The following AGBL4 variants were observed in gnomAD, a reference collection of about 807,000 sequenced individuals.
The protein encoded by AGBL4 is AGBL carboxypeptidase 4.
A neutral mutation model predicts 66.4 loss-of-function variants in AGBL4; 58 were observed. The ratio of observed to expected loss-of-function variants is 0.87; its 90% CI spans 0.71 to 1.09. The LOEUF is 1.09. Ranked by LOEUF, AGBL4 falls within the 50% of genes least tolerant of loss-of-function variation. The pLI is 0.00. For missense variants in AGBL4, 579 were observed against 631.0 expected, an observed-to-expected ratio of 0.92 and a Z score of 0.88; for synonymous variants, 234 against 222.9, an observed-to-expected ratio of 1.05 and a Z score of -0.44.
intron 2 of AGBL4, among the ~76,000 whole-genome samples, chr1:49,831,505 T>C (rs1228692820): frequency 2.0e-5 from 3 of 152,214 alleles, no homozygotes; most frequent in African/African-American, 7.2e-5. Flanking sequence ...TAAGGAGATT[T>C]GGGGCTGACA....
intron 6 of AGBL4, among the ~76,000 whole-genome samples, chr1:48,794,812 G>A (rs1645631577): frequency 6.6e-6 from 1 of 152,128 alleles, no homozygotes; most frequent in South Asian, 2.1e-4. Context: ...CACACCTAGT[G>A]CAGACTTCTA....
intron 3 of AGBL4, among the ~76,000 whole-genome samples, chr1:49,571,166 G>C (rs976506414): frequency 1.3e-5 from 2 of 151,406 alleles, no homozygotes; most frequent in African/African-American, 4.9e-5. Flanking sequence ...TGAATCTGTA[G>C]ATTTCTTTGA....
chr1:48,545,424 G>C (rs1242054431), intron 11 of AGBL4, among the ~76,000 whole-genome samples: 5 of 152,152 alleles, frequency 3.3e-5, no homozygotes, highest in African/African-American at 1.2e-4. Flanking sequence ...ACAGGACATG[G>C]GCAGGAGGAG....
At chr1:49,686,512 CATTT>C (rs1646790911) in intron 3 of AGBL4, among the ~76,000 whole-genome samples, 1 of 152,176 alleles carries the variant, frequency 6.6e-6, no homozygotes, top group Non-Finnish European at 1.5e-5. Context: ...AAACTGAAAA[CATTT>C]ATATAATCCC....
chr1:49,567,479 T>A (rs1462527553), intron 3 of AGBL4, among the ~76,000 whole-genome samples: 1 of 152,210 alleles, frequency 6.6e-6, no homozygotes, highest in Non-Finnish European at 1.5e-5. Flanking sequence ...ACAGTGATAA[T>A]TAAGGGTATC....
intron 3 of AGBL4, among the ~76,000 whole-genome samples, chr1:49,281,674 T>A (rs371026847): frequency 6.6e-6 from 1 of 152,210 alleles, no homozygotes; most frequent in African/African-American, 2.4e-5. Context: ...ATACAGCTAC[T>A]AAAACCCTTG....
At chr1:49,845,893 A>G (rs964029560) in intron 2 of AGBL4, 11 of 1,421,832 alleles carry the variant, frequency 7.7e-6, no homozygotes, top group Non-Finnish European at 1.1e-5. Context: ...CACACCAGCA[A>G]ATCCACACAG....
rs1643989980 is a variant in AGBL4 at position 48,537,378 on chromosome 1, C to T, written c.1364+2264G>A. 1.3e-5 allele frequency among the ~76,000 whole-genome samples: 2 copies of T among 152,114 alleles called. 1 individual carries two copies. Among genetic ancestry groups the T allele is most frequent in the South Asian group, 4.2e-4 (2 of 4,816 alleles). On this transcript the variant is annotated intron_variant, in intron 12 of 13. Coordinates refer to ENST00000371839, the MANE Select transcript of AGBL4 (RefSeq NM_032785.4). ...CTCTAGATCTTTTCTGAAGAGGGCT[C>T]CAAAGCTCAAGGCAAGGAAGTGCCA...
At chr1:49,235,564 C>T (rs1650662375) in intron 4 of AGBL4, among the ~76,000 whole-genome samples, 1 of 152,192 alleles carries the variant, frequency 6.6e-6, no homozygotes, top group Non-Finnish European at 1.5e-5. Context: ...AGCCATATAT[C>T]TTCTAGATTC....
chr1:49,002,025 C>T (rs1049882927), intron 5 of AGBL4, among the ~76,000 whole-genome samples: 2 of 152,116 alleles, frequency 1.3e-5, no homozygotes, highest in African/African-American at 4.8e-5. Context: ...GATACTTAGC[C>T]TAATGTCTAG....
chr1:48,990,520 G>A (rs1660523814), intron 5 of AGBL4, among the ~76,000 whole-genome samples: 1 of 152,090 alleles, frequency 6.6e-6, no homozygotes, highest in East Asian at 1.9e-4. Flanking sequence ...ATAGTTTGGG[G>A]TCTTAGATAT....
intron 6 of AGBL4, among the ~76,000 whole-genome samples, chr1:48,831,480 T>C (rs1172814080): frequency 6.6e-6 from 1 of 152,246 alleles, no homozygotes; most frequent in African/African-American, 2.4e-5. Flanking sequence ...AAGCCTTGCC[T>C]TACTTTGTCG....
intron 4 of AGBL4, among the ~76,000 whole-genome samples, chr1:49,213,370 G>A (rs1179745446): frequency 6.6e-6 from 1 of 152,114 alleles, no homozygotes; most frequent in Non-Finnish European, 1.5e-5. Flanking sequence ...ATAATCCTCA[G>A]TGTTGGAGGT....
At chr1:48,740,927 C>A (rs1261300992) in intron 6 of AGBL4, among the ~76,000 whole-genome samples, 1 of 152,132 alleles carries the variant, frequency 6.6e-6, no homozygotes, top group Non-Finnish European at 1.5e-5. Context: ...CCAGGTTAGT[C>A]TTATAGCAAC....
At chr1:49,129,765 A>G (rs1422012248) in intron 4 of AGBL4, among the ~76,000 whole-genome samples, 2 of 152,166 alleles carry the variant, frequency 1.3e-5, no homozygotes, top group Admixed American at 6.5e-5. Flanking sequence ...ATAGTGCCAC[A>G]ATAAACATAC....
intron 1 of AGBL4, among the ~76,000 whole-genome samples, chr1:49,989,024 T>C (rs926189411): frequency 7.9e-5 from 12 of 152,166 alleles, no homozygotes; most frequent in Non-Finnish European, 1.3e-4. Context: ...AACCCGTATT[T>C]GTGCATCTGT....
chr1:49,841,359 G>A (rs1394628793), intron 2 of AGBL4, among the ~76,000 whole-genome samples: 1 of 152,070 alleles, frequency 6.6e-6, no homozygotes, highest in African/African-American at 2.4e-5. Flanking sequence ...ACAAATAAAT[G>A]GAAAGACATA....
intron 3 of AGBL4, among the ~76,000 whole-genome samples, chr1:49,490,167 G>A (rs1349260095): frequency 6.6e-6 from 1 of 151,626 alleles, no homozygotes; most frequent in Middle Eastern, 3.2e-3. Flanking sequence ...GTTTTAATAG[G>A]CAATCATTAT....
At chr1:49,742,013 C>T (rs1282345386) in intron 2 of AGBL4, among the ~76,000 whole-genome samples, 2 of 152,156 alleles carry the variant, frequency 1.3e-5, no homozygotes, top group East Asian at 1.9e-4. Context: ...CCCTCTCTCG[C>T]CACTCCTGTT....
Sources: gnomAD v4.1 joint callset for allele counts (sites outside exome capture counted in the v4.1 genomes callset) on GRCh38, gnomAD v4.1.1 for gene constraint, MANE v1.5 for transcripts, NCBI Gene and HGNC (gene_info 2026-07-23, HGNC 2026-07-21) for gene names.